The following DCC variants were observed in gnomAD, a reference collection of about 807,000 sequenced individuals.
DCC encodes DCC netrin 1 receptor, also known as netrin receptor DCC.
DCC carries 58 observed loss-of-function variants against 172.5 expected under a neutral mutation model. The observed-to-expected ratio is 0.34, with a 90% CI of 0.27 to 0.42. DCC has a LOEUF of 0.42. DCC is among the 10% of genes least tolerant of loss of function. DCC has a pLI of 1.00. For missense variants in DCC, 1,740 were observed against 1,791.0 expected (o/e 0.97, Z 0.51); for synonymous variants, 709 against 644.5 (o/e 1.10, Z -1.52).
intron 1 of DCC, among the ~76,000 whole-genome samples, chr18:52,528,588 A>G (rs1242130500): frequency 2.6e-5 from 4 of 152,078 alleles, no homozygotes; most frequent in African/African-American, 9.7e-5. Flanking sequence ...AAGATCCATC[A>G]GCCCTGGTGA....
chr18:52,393,156 T>C (rs1406203531), intron 1 of DCC, among the ~76,000 whole-genome samples: 1 of 152,126 alleles, frequency 6.6e-6, no homozygotes, highest in African/African-American at 2.4e-5. Context: ...TGTGTGATCA[T>C]GGTTCAGTCA....
Position 53,038,899 on chromosome 18 carries a change from T to TA in DCC, c.986-24394dup, listed in dbSNP as rs113876592. On this transcript the variant is annotated intron_variant, in intron 5 of 28. Transcript: ENST00000442544. ...ATTCCTTGGATTAGTAGAAATGCAT[T>TA]AAAAAAAAAAAACTCAAACATGTAA... 8.2e-3 allele frequency among the ~76,000 whole-genome samples: 1,188 copies of TA among 144,886 alleles called. 32 individuals are homozygous for TA. Among genetic ancestry groups the TA allele is most frequent in the Admixed American group, 0.06 (858 of 14,348 alleles).
chr18:52,627,391 A>T (rs561812396), intron 1 of DCC, among the ~76,000 whole-genome samples: 59 of 152,256 alleles, frequency 3.9e-4, no homozygotes, highest in African/African-American at 1.4e-3. Flanking sequence ...ACTGTTAGGG[A>T]TGTGGAGATT....
At chr18:53,290,154 A>G (rs959607549) in intron 12 of DCC, among the ~76,000 whole-genome samples, 4 of 152,168 alleles carry the variant, frequency 2.6e-5, no homozygotes, top group African/African-American at 9.7e-5. Flanking sequence ...AAATCATACT[A>G]TTGGTCTATC....
intron 2 of DCC, among the ~76,000 whole-genome samples, chr18:52,810,733 T>C (rs1266056208): frequency 6.6e-6 from 1 of 152,164 alleles, no homozygotes; most frequent in Non-Finnish European, 1.5e-5. Flanking sequence ...GTAGGTATTT[T>C]TGAAACAGGT....
intron 12 of DCC, among the ~76,000 whole-genome samples, chr18:53,290,186 G>A (rs909900125): frequency 1.3e-5 from 2 of 152,118 alleles, no homozygotes; most frequent in African/African-American, 2.4e-5. Context: ...CCTGAAGATC[G>A]AAGAGAGAGA....
rs143341064 is a variant in DCC, at chr18:53,014,111, A to G, written c.986-49194A>G. Among the ~76,000 whole-genome samples, 480 of 152,182 alleles carry G rather than the reference A, an allele frequency of 3.2e-3. 3 individuals carry two copies. Among genetic ancestry groups the G allele is most frequent in the African/African-American group, 0.011 (456 of 41,512 alleles). On this transcript the variant is annotated intron_variant, in intron 5 of 28. Transcript: ENST00000442544. ...CTTAACAATATATTATTTTTGTGCTAGATATTCTGATCGTAATGATCATAT... is the reference window on the plus strand; with the variant it reads ...CTTAACAATATATTATTTTTGTGCTGGATATTCTGATCGTAATGATCATAT...
intron 13 of DCC, among the ~76,000 whole-genome samples, chr18:53,319,543 C>T (rs1207438678): frequency 6.6e-6 from 1 of 152,194 alleles, no homozygotes; most frequent in Non-Finnish European, 1.5e-5. Flanking sequence ...AAGTTGTTAG[C>T]AGACTTTGCT....
intron 12 of DCC, among the ~76,000 whole-genome samples, chr18:53,255,659 G>A (rs1386973238): frequency 6.6e-6 from 1 of 152,090 alleles, no homozygotes; most frequent in Non-Finnish European, 1.5e-5. Context: ...ATTGGGAATA[G>A]TGCCGCAGTA....
intron 1 of DCC, among the ~76,000 whole-genome samples, chr18:52,362,209 C>CCCCCAGACATT (rs1465774445): frequency 1.3e-5 from 2 of 152,204 alleles, no homozygotes; most frequent in Non-Finnish European, 2.9e-5. Context: ...AGACATCTGG[C>CCCCCAGACATT]CATTCCCATG....
At chr18:52,378,281 G>A (rs1985436162) in intron 1 of DCC, among the ~76,000 whole-genome samples, 1 of 151,372 alleles carries the variant, frequency 6.6e-6, no homozygotes, top group South Asian at 2.1e-4. Flanking sequence ...TACAAAGCAG[G>A]CATCTAACTA....
chr18:53,443,589 C>G (rs1364709564), intron 22 of DCC, among the ~76,000 whole-genome samples: 1 of 152,126 alleles, frequency 6.6e-6, no homozygotes, highest in Non-Finnish European at 1.5e-5. Flanking sequence ...GCTTTCAAGT[C>G]TTATTATTTA....
At chr18:53,071,840 G>A (rs2042655523) in intron 7 of DCC, among the ~76,000 whole-genome samples, 1 of 152,144 alleles carries the variant, frequency 6.6e-6, no homozygotes, top group Non-Finnish European at 1.5e-5. Context: ...AAGAATCAAT[G>A]TGTTAGGACT....
intron 7 of DCC, among the ~76,000 whole-genome samples, chr18:53,101,468 A>G (rs1310573675): frequency 6.6e-6 from 1 of 152,050 alleles, no homozygotes; most frequent in Non-Finnish European, 1.5e-5. Flanking sequence ...CTAACCCAAA[A>G]TATTTTTAGG....
At chr18:52,634,496 T>C (rs2034735796) in intron 1 of DCC, among the ~76,000 whole-genome samples, 1 of 152,204 alleles carries the variant, frequency 6.6e-6, no homozygotes, top group African/African-American at 2.4e-5. Context: ...GAATGATCTA[T>C]TGTCATTTAA....
intron 1 of DCC, among the ~76,000 whole-genome samples, chr18:52,620,121 A>G (rs1336185651): frequency 6.6e-6 from 1 of 152,230 alleles, no homozygotes; most frequent in African/African-American, 2.4e-5. Flanking sequence ...CAGGCATGTC[A>G]TTTTGGAAAA....
chr18:52,883,889 G>T (rs1171106426), intron 2 of DCC, among the ~76,000 whole-genome samples: 1 of 150,814 alleles, frequency 6.6e-6, no homozygotes, highest in Non-Finnish European at 1.5e-5. Flanking sequence ...GGACATATCT[G>T]GTGTTGATGA....
chr18:53,498,380 A>ATAAG (rs1818341523), intron 26 of DCC, among the ~76,000 whole-genome samples: 1 of 152,346 alleles, frequency 6.6e-6, no homozygotes, highest in Admixed American at 6.5e-5. Flanking sequence ...TTATTAAGAA[A>ATAAG]TAAGTCATCA....
intron 23 of DCC, among the ~76,000 whole-genome samples, chr18:53,457,479 C>T (rs983861487): frequency 6.6e-6 from 1 of 152,140 alleles, no homozygotes; most frequent in African/African-American, 2.4e-5. Flanking sequence ...GGAACTGGTA[C>T]TTCTCTGTGT....
Sources: gnomAD v4.1 joint callset for allele counts (sites outside exome capture counted in the v4.1 genomes callset) on GRCh38, gnomAD v4.1.1 for gene constraint, MANE v1.5 for transcripts, NCBI Gene and HGNC (gene_info 2026-07-23, HGNC 2026-07-21) for gene names.